The following NRG3 variants were observed in gnomAD, a reference collection of about 807,000 sequenced individuals.
NRG3 encodes the protein pro-neuregulin-3, membrane-bound isoform.
In NRG3, 31 loss-of-function variants were observed where a neutral mutation model predicts 66.9. That is an observed-to-expected ratio of 0.46 (90% CI 0.35 to 0.63). The LOEUF (loss-of-function observed/expected upper bound fraction) is 0.63. NRG3 is among the 20% of genes least tolerant of loss of function. The pLI is 0.00. For synonymous variants in NRG3, 393 were observed against 359.4 expected (o/e 1.09, Z -1.06); for missense variants, 910 against 878.9 (o/e 1.04, Z -0.45).
chr10:82,680,966 A>T (rs1226157228), intron 2 of NRG3, among the ~76,000 whole-genome samples: 1 of 152,246 alleles, frequency 6.6e-6, no homozygotes, highest in Non-Finnish European at 1.5e-5. Flanking sequence ...GTGCTGCCAC[A>T]GGGCAGGTTT....
At chr10:82,227,140 C>T (rs879564672) in intron 1 of NRG3, among the ~76,000 whole-genome samples, 15 of 152,094 alleles carry the variant, frequency 9.9e-5, no homozygotes, top group Non-Finnish European at 1.8e-4. Context: ...ATTCTTCTTC[C>T]TCATTTCCAC....
chr10:82,910,324 T>G (rs1845201584), intron 4 of NRG3, among the ~76,000 whole-genome samples: 1 of 152,218 alleles, frequency 6.6e-6, no homozygotes, highest in African/African-American at 2.4e-5. Flanking sequence ...TTGGTGTTAT[T>G]GCCCCAGAAA....
At chr10:82,840,713 G>A (rs1446456071) in intron 3 of NRG3, among the ~76,000 whole-genome samples, 1 of 152,080 alleles carries the variant, frequency 6.6e-6, no homozygotes, top group African/African-American at 2.4e-5. Context: ...GTTCCACATA[G>A]GGAACAGAGC....
At chr10:81,911,745 A>C (rs578042461) in intron 1 of NRG3, among the ~76,000 whole-genome samples, 28 of 149,480 alleles carry the variant, frequency 1.9e-4, no homozygotes, top group African/African-American at 2.7e-4. Context: ...ACACACACAC[A>C]CCCCAAACCC....
chr10:82,050,275 C>T (rs1056493008), intron 1 of NRG3, among the ~76,000 whole-genome samples: 1 of 150,286 alleles, frequency 6.7e-6, no homozygotes, highest in African/African-American at 2.4e-5. Context: ...TAGATTGGTG[C>T]AAAAGTAATT....
intron 2 of NRG3, among the ~76,000 whole-genome samples, chr10:82,665,673 T>C (rs2052714782): frequency 6.6e-6 from 1 of 152,190 alleles, no homozygotes; most frequent in Admixed American, 6.5e-5. Flanking sequence ...TTTATCCTGC[T>C]TAGATTCCTT....
intron 3 of NRG3, among the ~76,000 whole-genome samples, chr10:82,864,794 C>A (rs942840074): frequency 1.3e-5 from 2 of 152,090 alleles, no homozygotes; most frequent in African/African-American, 4.8e-5. Flanking sequence ...TGGGGCTTAA[C>A]GGTCAGATCA....
intron 2 of NRG3, among the ~76,000 whole-genome samples, chr10:82,682,935 A>G (rs905266097): frequency 6.8e-6 from 1 of 147,916 alleles, no homozygotes; most frequent in Admixed American, 6.8e-5. Context: ...GAAAATACAG[A>G]CCATGTCTTA....
At chr10:82,786,081 C>T (rs1482966137) in intron 3 of NRG3, among the ~76,000 whole-genome samples, 1 of 152,142 alleles carries the variant, frequency 6.6e-6, no homozygotes, top group African/African-American at 2.4e-5. Flanking sequence ...GAGGAAATGT[C>T]CAGCAGAGCC....
intron 4 of NRG3, among the ~76,000 whole-genome samples, chr10:82,911,583 T>C (rs1333440415): frequency 6.6e-6 from 1 of 151,732 alleles, no homozygotes; most frequent in Non-Finnish European, 1.5e-5. Context: ...TCAGTAGCAA[T>C]GATCCTTCTT....
At chr10:82,713,642 AG>A (rs1166837672) in intron 2 of NRG3, among the ~76,000 whole-genome samples, 1 of 152,214 alleles carries the variant, frequency 6.6e-6, no homozygotes, top group Non-Finnish European at 1.5e-5. Context: ...ACAAATACAG[AG>A]GATTTATCAA....
chr10:82,047,828 A>G (rs946856982), intron 1 of NRG3, among the ~76,000 whole-genome samples: 3 of 152,146 alleles, frequency 2.0e-5, no homozygotes, highest in African/African-American at 4.8e-5. Flanking sequence ...GTCAATACCC[A>G]TCAGTGTGCT....
At chr10:82,377,109 T>A (rs2085291658) in intron 2 of NRG3, among the ~76,000 whole-genome samples, 1 of 152,238 alleles carries the variant, frequency 6.6e-6, no homozygotes, top group African/African-American at 2.4e-5. Flanking sequence ...TTTTTTATAT[T>A]CTTTATTTGG....
chr10:82,598,240 T>C (rs1469950247), intron 2 of NRG3, among the ~76,000 whole-genome samples: 2 of 152,224 alleles, frequency 1.3e-5, no homozygotes, highest in African/African-American at 4.8e-5. Context: ...TTCTCTTTCA[T>C]GTAGACAAAT....
chr10:82,728,665 T>C (rs1224437341), intron 2 of NRG3, among the ~76,000 whole-genome samples: 1 of 152,216 alleles, frequency 6.6e-6, no homozygotes, highest in Non-Finnish European at 1.5e-5. Flanking sequence ...TCAATTACTC[T>C]TCTGATTCTG....
At chr10:82,327,687 T>G (rs998024967) in intron 1 of NRG3, among the ~76,000 whole-genome samples, 2 of 152,194 alleles carry the variant, frequency 1.3e-5, no homozygotes, top group Admixed American at 1.3e-4. Flanking sequence ...ATATGTTTCT[T>G]CTCTCATGCA....
chr10:82,163,513 T>G (rs1020416018), intron 1 of NRG3, among the ~76,000 whole-genome samples: 2 of 152,158 alleles, frequency 1.3e-5, no homozygotes, highest in African/African-American at 4.8e-5. Flanking sequence ...CGATTAGACA[T>G]CACTGTCATT....
chr10:82,705,315 G>A (rs968477783), intron 2 of NRG3, among the ~76,000 whole-genome samples: 2 of 152,174 alleles, frequency 1.3e-5, no homozygotes, highest in Admixed American at 6.5e-5. Context: ...TGCTTTGCAT[G>A]TTAGACAATG....
intron 1 of NRG3, among the ~76,000 whole-genome samples, chr10:82,080,008 A>G (rs562029000): frequency 4.2e-4 from 64 of 152,298 alleles, no homozygotes; most frequent in Non-Finnish European, 8.8e-4. Context: ...TCATAGAAAA[A>G]TCTGCATGCC....
Sources: allele counts gnomAD v4.1 joint callset (sites outside exome capture counted in the v4.1 genomes callset), GRCh38; gene constraint gnomAD v4.1.1; transcripts MANE v1.5; gene names NCBI Gene and HGNC (gene_info 2026-07-23, HGNC 2026-07-21).